Variants in TSHZ2 observed in about 807,000 individuals in gnomAD.
TSHZ2 encodes teashirt zinc finger homeobox 2.
In TSHZ2, 21 loss-of-function variants were observed where a neutral mutation model predicts 74.4. The ratio of observed to expected loss-of-function variants is 0.28; its 90% CI spans 0.20 to 0.41. The LOEUF (loss-of-function observed/expected upper bound fraction) is 0.41. Among genes scored for constraint, TSHZ2 ranks in the 10% least tolerant of loss-of-function variants. The probability of loss-of-function intolerance (pLI) is 1.00; values close to 1 mark genes in which losing one functional copy is unlikely to be tolerated. For missense variants in TSHZ2, 1,244 were observed against 1,293.5 expected, an observed-to-expected ratio of 0.96 and a Z score of 0.59; for synonymous variants, 540 against 515.3, an observed-to-expected ratio of 1.05 and a Z score of -0.65.
intron 2 of TSHZ2, among the ~76,000 whole-genome samples, chr20:53,265,583 C>G (rs2426481): frequency 0.34 from 51,129 of 152,110 alleles, 8,923 homozygotes; most frequent in South Asian, 0.47. Context: ...TAATAGGCGC[C>G]ATGGCAGTAA....
intron 2 of TSHZ2, among the ~76,000 whole-genome samples, chr20:53,348,287 G>GA (rs35219398): frequency 6.6e-6 from 1 of 152,166 alleles, no homozygotes; most frequent in Non-Finnish European, 1.5e-5. Context: ...CCATACAATG[G>GA]AATAGCCATA....
At chr20:53,014,301 A>T (rs1377135918) in intron 1 of TSHZ2, among the ~76,000 whole-genome samples, 3 of 152,088 alleles carry the variant, frequency 2.0e-5, no homozygotes, top group Non-Finnish European at 4.4e-5. Flanking sequence ...TTGTGACCTA[A>T]TTACTTCTTC....
intron 2 of TSHZ2, among the ~76,000 whole-genome samples, chr20:53,381,003 G>T (rs148635961): frequency 6.6e-6 from 1 of 152,132 alleles, no homozygotes; most frequent in African/African-American, 2.4e-5. Context: ...AGAATCCTGC[G>T]TTTGTGATTC....
chr20:53,467,758 GGCCAC>G, intron 2 of TSHZ2, among the ~76,000 whole-genome samples: 1 of 152,214 alleles, frequency 6.6e-6, no homozygotes, highest in Non-Finnish European at 1.5e-5. Flanking sequence ...ACTAAAGTTG[GGCCAC>G]CAATTTGACT....
At chr20:53,177,285 T>C (rs1470477555) in intron 1 of TSHZ2, among the ~76,000 whole-genome samples, 1 of 152,214 alleles carries the variant, frequency 6.6e-6, no homozygotes, top group African/African-American at 2.4e-5. Context: ...GGTTTTAGAT[T>C]CCAATACAGG....
intron 1 of TSHZ2, among the ~76,000 whole-genome samples, chr20:53,151,470 C>G (rs1053894553): frequency 5.9e-5 from 9 of 152,064 alleles, no homozygotes; most frequent in African/African-American, 2.2e-4. Flanking sequence ...CAGAGTTTTC[C>G]AGATCTTAGA....
intron 2 of TSHZ2, among the ~76,000 whole-genome samples, chr20:53,341,216 C>T (rs1262788165): frequency 6.6e-6 from 1 of 152,150 alleles, no homozygotes; most frequent in Non-Finnish European, 1.5e-5. Context: ...TCAGAACTCA[C>T]AGCTTCCCTT....
intron 2 of TSHZ2, among the ~76,000 whole-genome samples, chr20:53,261,352 A>C (rs1990597437): frequency 6.6e-6 from 1 of 152,266 alleles, no homozygotes; most frequent in Non-Finnish European, 1.5e-5. Flanking sequence ...GCTCTTGTTC[A>C]ATCAGGCAAT....
At chr20:53,159,652 T>TA (rs11475461) in intron 1 of TSHZ2, among the ~76,000 whole-genome samples, 161 of 146,328 alleles carry the variant, frequency 1.1e-3, no homozygotes, top group South Asian at 7.2e-3. Context: ...AAACAGGAGT[T>TA]AAAAAAAAAA....
intron 2 of TSHZ2, among the ~76,000 whole-genome samples, chr20:53,449,054 C>T (rs1984668635): frequency 6.6e-6 from 1 of 152,168 alleles, no homozygotes; most frequent in Admixed American, 6.5e-5. Flanking sequence ...GTGACTCCTC[C>T]AGTCATGTCC....
At chr20:53,291,987 A>G (rs1186550621) in intron 2 of TSHZ2, among the ~76,000 whole-genome samples, 2 of 145,892 alleles carry the variant, frequency 1.4e-5, no homozygotes, top group Non-Finnish European at 3.0e-5. Context: ...TAGTCAGGAT[A>G]GCATTTAAAA....
intron 1 of TSHZ2, among the ~76,000 whole-genome samples, chr20:52,988,327 A>C (rs2122905320): frequency 6.6e-6 from 1 of 152,248 alleles, no homozygotes; most frequent in East Asian, 1.9e-4. Context: ...CCAATTGAAT[A>C]GATACGGAAA....
At chr20:53,319,146 C>G (rs1281148671) in intron 2 of TSHZ2, among the ~76,000 whole-genome samples, 3 of 152,150 alleles carry the variant, frequency 2.0e-5, no homozygotes, top group Non-Finnish European at 4.4e-5. Flanking sequence ...GGGACACGGC[C>G]AAACCATATC....
chr20:53,254,444 G>A lies in TSHZ2; in HGVS notation c.986G>A (p.Arg329Gln), dbSNP rs200317435. The change falls in exon 2 of 3, where the codon CGG becomes CAG. Residue 329 changes from arginine (R) to glutamine (Q), a missense_variant. This residue lies in a region of TSHZ2 where 470 missense variants were observed against 456.5 expected (regional missense o/e 1.03). Transcript: ENST00000371497. Reference protein sequence around the residue: ...PAKKRVFDVNRPCSPDSTTGS... With the variant: ...PAKKRVFDVNQPCSPDSTTGS... ...AAGAAACGCGTTTTTGATGTCAATC[G>A]GCCGTGTTCCCCCGATTCAACCACA... The A allele has an allele frequency of 6.8e-6, 11 of 1,613,414 alleles. No homozygotes were observed. Among genetic ancestry groups the A allele is most frequent in the East Asian group, 2.2e-5 (1 of 44,854 alleles).
At chr20:53,382,375 A>G (rs156622) in intron 2 of TSHZ2, among the ~76,000 whole-genome samples, 134,807 of 152,156 alleles carry the variant, frequency 0.89, 59,807 homozygotes, top group South Asian at 0.91. Context: ...CCAAAGTTCC[A>G]TTCCTCTGCC....
chr20:52,997,261 G>GT (rs921254113), intron 1 of TSHZ2, among the ~76,000 whole-genome samples: 4 of 135,008 alleles, frequency 3.0e-5, no homozygotes, highest in South Asian at 4.4e-4. Context: ...TCTTGCCCCG[G>GT]GGGGGGGTTC....
Position 53,193,262 on chromosome 20 carries a change from A to G in TSHZ2, c.41-60237A>G, listed in dbSNP as rs1988784490. Among the ~76,000 whole-genome samples, 4 of 152,082 alleles carry G rather than the reference A, an allele frequency of 2.6e-5. No individual in the cohort carries two copies. The South Asian group carries it at 8.3e-4, about 32-fold the overall frequency. ...TATCAACTCCTAGAGATTCAGAGAAAAAATAAGAAAATGTTTCCAGTCTTC... is the reference window on the plus strand; with the variant it reads ...TATCAACTCCTAGAGATTCAGAGAAGAAATAAGAAAATGTTTCCAGTCTTC... On this transcript the variant is annotated intron_variant, in intron 1 of 2. Coordinates refer to ENST00000371497, the MANE Select transcript of TSHZ2 (RefSeq NM_173485.6).
intron 1 of TSHZ2, among the ~76,000 whole-genome samples, chr20:53,154,061 T>C (rs1468039093): frequency 6.6e-6 from 1 of 152,216 alleles, no homozygotes; most frequent in Non-Finnish European, 1.5e-5. Flanking sequence ...CAGCCCAACT[T>C]AAGCAATGGA....
At chr20:53,287,650 C>T (rs1287365946) in intron 2 of TSHZ2, among the ~76,000 whole-genome samples, 1 of 152,130 alleles carries the variant, frequency 6.6e-6, no homozygotes, top group East Asian at 1.9e-4. Context: ...TTGGAAAAAG[C>T]TTGGGAAATA....
Sources: gnomAD v4.1 joint callset for allele counts (sites outside exome capture counted in the v4.1 genomes callset) on GRCh38, gnomAD v4.1.1 for gene constraint, gnomAD v4.1.1 regional missense constraint, MANE v1.5 for transcripts, NCBI Gene and HGNC (gene_info 2026-07-23, HGNC 2026-07-21) for gene names.